The following CDC42BPA variants were observed in gnomAD, a reference collection of about 807,000 sequenced individuals.
CDC42BPA encodes CDC42 binding protein kinase alpha.
Under a neutral mutation model 223.5 loss-of-function variants are expected in CDC42BPA, and 80 were observed. That is an observed-to-expected ratio of 0.36 (90% confidence interval 0.30 to 0.43). The LOEUF (loss-of-function observed/expected upper bound fraction) is 0.43. Among genes scored for constraint, CDC42BPA ranks in the 20% least tolerant of loss-of-function variants. The pLI is 1.00. For synonymous variants in CDC42BPA, 694 were observed against 718.6 expected (o/e 0.97, Z 0.55); for missense variants, 1,743 against 2,099.9 (o/e 0.83, Z 3.32).
chr1:227,100,385 T>C (rs1296688592), intron 15 of CDC42BPA, among the ~76,000 whole-genome samples: 1 of 152,156 alleles, frequency 6.6e-6, no homozygotes, highest in African/African-American at 2.4e-5. Flanking sequence ...GCAAATGCCT[T>C]GTATTCTGTC....
intron 1 of CDC42BPA, among the ~76,000 whole-genome samples, chr1:227,310,683 T>TG (rs1209200833): frequency 7.3e-6 from 1 of 137,918 alleles, no homozygotes; most frequent in African/African-American, 2.7e-5. Context: ...AGTTTTTTTT[T>TG]TTGTTTTTTG....
At chr1:227,066,594 G>A (rs1677137185) in intron 21 of CDC42BPA, among the ~76,000 whole-genome samples, 1 of 152,106 alleles carries the variant, frequency 6.6e-6, no homozygotes, top group South Asian at 2.1e-4. Context: ...GAGATCATAG[G>A]TACAAACTCT....
intron 15 of CDC42BPA, among the ~76,000 whole-genome samples, chr1:227,100,692 CTCT>C (rs1387787456): frequency 6.7e-6 from 1 of 150,032 alleles, no homozygotes; most frequent in Non-Finnish European, 1.5e-5. Context: ...CTTCCTCAGC[CTCT>C]TAAGTAGCTC....
At chr1:227,004,776 C>T (rs3818694) in intron 35 of CDC42BPA, 144,983 of 627,120 alleles carry the variant, frequency 0.23, 17,210 homozygotes, top group African/African-American at 0.3. Flanking sequence ...TGTCTGTCTC[C>T]CAGATGGCCT....
chr1:227,221,163 T>G (rs1396658817), intron 2 of CDC42BPA, among the ~76,000 whole-genome samples: 2 of 152,246 alleles, frequency 1.3e-5, no homozygotes, highest in Non-Finnish European at 2.9e-5. Context: ...TCTTCATTAC[T>G]GGACACTGCT....
At chr1:227,230,429 T>C (rs1543102) in intron 2 of CDC42BPA, among the ~76,000 whole-genome samples, 78,818 of 152,036 alleles carry the variant, frequency 0.52, 20,527 homozygotes, top group South Asian at 0.61. Context: ...GGAGAACTGA[T>C]ATCGTTACAA....
At chr1:227,149,930 G>T (rs577586399) in intron 6 of CDC42BPA, among the ~76,000 whole-genome samples, 36 of 152,092 alleles carry the variant, frequency 2.4e-4, no homozygotes, top group Non-Finnish European at 4.1e-4. Context: ...AGGGCATAAA[G>T]TACTTAGAAG....
chr1:227,204,994 C>T (rs560781770), intron 3 of CDC42BPA, among the ~76,000 whole-genome samples: 5 of 152,110 alleles, frequency 3.3e-5, no homozygotes, highest in Admixed American at 3.3e-4. Flanking sequence ...CACAGTGGCT[C>T]GCGCCTGTAA....
chr1:227,140,853 G>A (rs919459640), intron 9 of CDC42BPA, among the ~76,000 whole-genome samples: 1 of 152,176 alleles, frequency 6.6e-6, no homozygotes, highest in Admixed American at 6.5e-5. Flanking sequence ...TGCACGTTTA[G>A]GAGTCATCAG....
At chr1:227,194,042 T>A in intron 4 of CDC42BPA, 108 bp from the exon 5 acceptor site, 2 of 619,374 alleles carry the variant, frequency 3.2e-6, no homozygotes, top group Non-Finnish European at 5.3e-6. Context: ...TGCAGTTAAT[T>A]ACATATGCTG....
intron 1 of CDC42BPA, among the ~76,000 whole-genome samples, chr1:227,316,721 C>G (rs1694464316): frequency 6.6e-6 from 1 of 152,184 alleles, no homozygotes; most frequent in South Asian, 2.1e-4. Context: ...TTGCCCATCA[C>G]AGAATTGATT....
rs1296057993 is a variant in CDC42BPA at position 226,991,857 on chromosome 1, G to A, written c.*2411C>T. The A allele has an allele frequency of 1.3e-5, 2 of 151,660 alleles. No homozygotes were observed. Among genetic ancestry groups the A allele is most frequent in the Non-Finnish European group, 2.9e-5 (2 of 67,968 alleles). 9.4% of individuals were successfully genotyped at this position (151,660 alleles called of 1,614,324 possible). On this transcript the variant is annotated 3_prime_UTR_variant, in exon 37 of 37. Transcript: ENST00000366766. The stretch of plus-strand genomic sequence containing the variant: ...TTACTTGTCAAAGCTACAAACTAAT[G>A]GCTTATGTCAAGTCCTGTTAATCTC...
chr1:227,178,083 T>A (rs1009519017), intron 5 of CDC42BPA, among the ~76,000 whole-genome samples: 3 of 152,208 alleles, frequency 2.0e-5, no homozygotes, highest in African/African-American at 7.2e-5. Flanking sequence ...ATGGAACATA[T>A]TTAAACTAAA....
intron 5 of CDC42BPA, among the ~76,000 whole-genome samples, chr1:227,164,035 C>G (rs1046628428): frequency 3.3e-5 from 5 of 152,022 alleles, no homozygotes; most frequent in African/African-American, 1.2e-4. Context: ...TCAAGAAGAG[C>G]AAAAATATTA....
chr1:227,270,641 T>C (rs1685807608), intron 1 of CDC42BPA, among the ~76,000 whole-genome samples: 1 of 152,208 alleles, frequency 6.6e-6, no homozygotes, highest in Admixed American at 6.5e-5. Context: ...TAGCTTTAGT[T>C]ACATTCATAA....
intron 5 of CDC42BPA, among the ~76,000 whole-genome samples, chr1:227,177,132 A>ATAT (rs200488209): frequency 1.3e-4 from 9 of 71,196 alleles, no homozygotes; most frequent in African/African-American, 4.6e-4. Context: ...TGTAAGAAAA[A>ATAT]AAAAATATAT....
intron 32 of CDC42BPA, among the ~76,000 whole-genome samples, chr1:227,022,352 G>A (rs1205574034): frequency 1.3e-5 from 2 of 151,956 alleles, no homozygotes; most frequent in African/African-American, 4.8e-5. Context: ...AGGATCACTT[G>A]AACCCAGGAG....
Position 227,304,176 on chromosome 1 carries a change from G to A in CDC42BPA, c.178+12829C>T, listed in dbSNP as rs932535697. The stretch of plus-strand genomic sequence containing the variant: ...AATCCTGGCACTTTGGGAAGCCGAG[G>A]TGGGCGCATCACTTGAGGCCAGGAG... On this transcript the variant is annotated intron_variant, in intron 1 of 36. Coordinates refer to ENST00000366766, the MANE Select transcript of CDC42BPA (RefSeq NM_001394014.1). Among the ~76,000 whole-genome samples the A allele has an allele frequency of 3.3e-5, 5 of 152,174 alleles. No homozygotes were observed. The South Asian group carries it at 6.2e-4, about 19-fold the overall frequency.
intron 2 of CDC42BPA, among the ~76,000 whole-genome samples, chr1:227,238,366 A>C (rs1016868211): frequency 1.3e-5 from 2 of 151,870 alleles, no homozygotes; most frequent in Non-Finnish European, 1.5e-5. Context: ...CAAACAAACA[A>C]ACACGACATC....
Sources: allele counts gnomAD v4.1 joint callset (sites outside exome capture counted in the v4.1 genomes callset), GRCh38; gene constraint gnomAD v4.1.1; transcripts MANE v1.5; gene names NCBI Gene and HGNC (gene_info 2026-07-23, HGNC 2026-07-21).